DMD: variants seen among roughly 807,000 people sequenced by gnomAD.
The protein encoded by DMD is dystrophin, also known as mutant dystrophin.
In DMD, 63 loss-of-function variants were observed where a neutral mutation model predicts 330.1. The observed-to-expected ratio is 0.19, with a 90% CI of 0.16 to 0.24. The LOEUF (loss-of-function observed/expected upper bound fraction) is 0.24, where lower values mean the gene tolerates loss of function less well. Among genes scored for constraint, DMD ranks in the 10% least tolerant of loss-of-function variants. DMD has a pLI of 1.00. For synonymous variants in DMD, 1,223 were observed against 959.8 expected (o/e 1.27, Z -5.07); for missense variants, 3,344 against 2,684.1 (o/e 1.25, Z -5.43).
chrX:32,409,743 G>T (rs2098134117), intron 30 of DMD, among the ~76,000 whole-genome samples: 1 of 111,428 alleles, frequency 9.0e-6, no homozygotes, highest in African/African-American at 3.3e-5. Context: ...CATTCAGAAC[G>T]TCACAAGCAT....
chrX:31,507,349 C>A lies in DMD; in HGVS notation c.8322G>T (p.Leu2774=), dbSNP rs72466575. The A allele has an allele frequency of 4.1e-6, 5 of 1,209,900 alleles. No individual in the cohort carries two copies. The highest frequency in any genetic ancestry group is 2.2e-5 in the Admixed American group (1 of 45,735). The change falls in exon 56 of 79, where the codon CTG becomes CTT. Residue 2774 remains leucine, a synonymous_variant. Transcript: ENST00000357033. ...TCATGTTATCCAAACGTCTTTGTAA[C>A]AGGACTGCATCATCGGAACCTTCCA... ...RSLEGSDDAV[L]LQRRLDNMNF...
In DMD at chrX:33,318,421, T is replaced by C. The variant is rs952249168; in HGVS notation, c.7+20838A>G. 4.5e-5 allele frequency among the ~76,000 whole-genome samples: 5 copies of C among 109,963 alleles called. No individual in the cohort carries two copies. In the Admixed American group the frequency reaches 4.9e-4, roughly 11 times the overall value. On this transcript the variant is annotated intron_variant, in intron 1 of 17. Transcript: ENST00000288447. ...ACTAGTTTTAAAAGTTTTTTTAAAATGATGTTTACACATTTAATTACTCAG... is the reference window on the plus strand; with the variant it reads ...ACTAGTTTTAAAAGTTTTTTTAAAACGATGTTTACACATTTAATTACTCAG...
At position 32,780,777 on chromosome X, in the gene DMD, G is replaced by T. The variant is rs939563077; in HGVS notation, c.649+28716C>A. On this transcript the variant is annotated intron_variant, in intron 7 of 78. Coordinates refer to ENST00000357033, the MANE Select transcript of DMD (RefSeq NM_004006.3). Reference sequence around the variant, plus strand: ...ATATTAATGACCCTCACACTTTCATGTAATATGCTAATGTAAAAGCCGTGT... The same window carrying T: ...ATATTAATGACCCTCACACTTTCATTTAATATGCTAATGTAAAAGCCGTGT... 3.1e-4 allele frequency among the ~76,000 whole-genome samples: 34 copies of T among 109,784 alleles called. 1 individual carries two copies. Among genetic ancestry groups the T allele is most frequent in the Admixed American group, 1.2e-3 (12 of 10,179 alleles).
chrX:32,311,315 T>C (rs1435589086), intron 41 of DMD, among the ~76,000 whole-genome samples: 1 of 111,073 alleles, frequency 9.0e-6, no homozygotes, highest in East Asian at 2.8e-4. Context: ...CAGCCTTTTA[T>C]GACAACACCA....
intron 43 of DMD, among the ~76,000 whole-genome samples, chrX:32,253,458 C>A (rs1397106668): frequency 9.1e-6 from 1 of 110,450 alleles, no homozygotes; most frequent in East Asian, 2.9e-4. Flanking sequence ...ATATGCTTAG[C>A]TGAAGATTGT....
chrX:31,843,284 A>G (rs1022670729), intron 48 of DMD, among the ~76,000 whole-genome samples: 11 of 111,733 alleles, frequency 9.8e-5, no homozygotes, highest in African/African-American at 3.6e-4. Context: ...AAGTTGAGAA[A>G]TCCCCAAACT....
chrX:32,044,383 C>T (rs2096039884), intron 44 of DMD, among the ~76,000 whole-genome samples: 1 of 109,884 alleles, frequency 9.1e-6, no homozygotes, highest in Non-Finnish European at 1.9e-5. Flanking sequence ...AAAAAAAAAC[C>T]TACACATATC....
rs781298387 is a variant in DMD at position 32,367,526 on chromosome X, TACATAGATTTTGTTTCTTACATG to T, written c.4846-2350_4846-2328del. ...AGCATCAATGTAAAAAGTTATTGTG[TACATAGATTTTGTTTCTTACATG>T]ACAAGCAATGCAATTAAAGGCAATG... On this transcript the variant is annotated intron_variant, in intron 34 of 78. Transcript: ENST00000357033. 3.6e-5 allele frequency among the ~76,000 whole-genome samples: 4 copies of T among 112,496 alleles called. No homozygotes were observed. The Admixed American group carries it at 3.8e-4, about 11-fold the overall frequency.
At chrX:32,214,367 G>A (rs1346890589) in intron 44 of DMD, among the ~76,000 whole-genome samples, 1 of 111,543 alleles carries the variant, frequency 9.0e-6, no homozygotes, top group Non-Finnish European at 1.9e-5. Flanking sequence ...GCCCAAGGCT[G>A]ACTAGTGATC....
chrX:32,335,291 T>C (rs2097699984), intron 41 of DMD, among the ~76,000 whole-genome samples: 1 of 108,376 alleles, frequency 9.2e-6, no homozygotes, highest in South Asian at 4.0e-4. Flanking sequence ...AACCTCTGTC[T>C]CCCAGTTTCA....
At chrX:31,687,653 T>TG (rs1225439794) in intron 52 of DMD, among the ~76,000 whole-genome samples, 1 of 111,941 alleles carries the variant, frequency 8.9e-6, no homozygotes, top group East Asian at 2.8e-4. Context: ...GAATAGAACA[T>TG]GAGGTAAACT....
intron 17 of DMD, among the ~76,000 whole-genome samples, chrX:32,536,368 C>CATGGGA (rs1410057236): frequency 9.4e-6 from 1 of 106,245 alleles, no homozygotes; most frequent in Non-Finnish European, 1.9e-5. Context: ...TGGCAGGTAA[C>CATGGGA]ATGGGAATGG....
intron 51 of DMD, among the ~76,000 whole-genome samples, chrX:31,748,634 T>A (rs750350060): frequency 8.0e-5 from 9 of 112,140 alleles, no homozygotes; most frequent in Non-Finnish European, 1.3e-4. Context: ...ATTGTGCTTT[T>A]CCTATGTGCT....
intron 7 of DMD, among the ~76,000 whole-genome samples, chrX:32,747,200 C>A (rs752735362): frequency 8.9e-6 from 1 of 112,240 alleles, no homozygotes; most frequent in Non-Finnish European, 1.9e-5. Flanking sequence ...CTCTAATTTG[C>A]GCAACAATTT....
intron 60 of DMD, among the ~76,000 whole-genome samples, chrX:31,367,268 T>C (rs1392814307): frequency 2.7e-5 from 3 of 111,785 alleles, no homozygotes; most frequent in Non-Finnish European, 5.6e-5. Context: ...TTTCTAATTA[T>C]GCCCTATGGA....
At chrX:32,789,796 T>C (rs2075685107) in intron 7 of DMD, among the ~76,000 whole-genome samples, 1 of 112,038 alleles carries the variant, frequency 8.9e-6, no homozygotes, top group South Asian at 3.7e-4. Context: ...TGCACTCTTC[T>C]ACCAAAAGGA....
intron 34 of DMD, among the ~76,000 whole-genome samples, chrX:32,374,904 A>T (rs756317526): frequency 8.9e-6 from 1 of 112,032 alleles, no homozygotes; most frequent in African/African-American, 3.2e-5. Context: ...CGAGAAACAG[A>T]GAAAGGGATA....
chrX:31,656,506 T>G (rs2148605956), intron 54 of DMD, among the ~76,000 whole-genome samples: 1 of 111,690 alleles, frequency 9.0e-6, no homozygotes, highest in East Asian at 2.8e-4. Context: ...CCCCTTAGTT[T>G]ATATTACCTA....
chrX:32,486,655 A>C (rs1428716358), intron 20 of DMD, among the ~76,000 whole-genome samples: 1 of 108,016 alleles, frequency 9.3e-6, no homozygotes, highest in African/African-American at 3.4e-5. Flanking sequence ...AAACAGAGAT[A>C]TAGATCAATG....
Sources: allele counts gnomAD v4.1 joint callset (sites outside exome capture counted in the v4.1 genomes callset), GRCh38; gene constraint gnomAD v4.1.1; transcripts MANE v1.5; gene names NCBI Gene and HGNC (gene_info 2026-07-23, HGNC 2026-07-21).